Variants in TLN2 observed in about 807,000 individuals in gnomAD.
TLN2 encodes talin-2.
TLN2 carries 118 observed loss-of-function variants against 294.7 expected under a neutral mutation model. That is an observed-to-expected ratio of 0.40 (90% CI 0.34 to 0.47). TLN2 has a LOEUF of 0.47. Among genes scored for constraint, TLN2 ranks in the 20% least tolerant of loss-of-function variants. TLN2 has a pLI of 0.84. For missense variants in TLN2, 3,083 were observed against 3,282.2 expected (o/e 0.94, Z 1.48); for synonymous variants, 1,431 against 1,304.5 (o/e 1.10, Z -2.09).
chr15:62,712,826 A>G (rs1428152371), intron 22 of TLN2, among the ~76,000 whole-genome samples: 11 of 152,194 alleles, frequency 7.2e-5, no homozygotes, highest in African/African-American at 2.7e-4. Context: ...GAATAAGGCT[A>G]TATTTTTCTG....
intron 2 of TLN2, among the ~76,000 whole-genome samples, chr15:62,595,404 CT>C (rs1317953961): frequency 7.3e-6 from 1 of 136,228 alleles, no homozygotes; most frequent in South Asian, 2.5e-4. Flanking sequence ...TGGGTGCAGA[CT>C]CCGTCTCAAA....
chr15:62,736,373 T>G (rs1286165393), intron 28 of TLN2, among the ~76,000 whole-genome samples: 3 of 151,978 alleles, frequency 2.0e-5, no homozygotes, highest in African/African-American at 7.3e-5. Flanking sequence ...GAATGGTGAT[T>G]ACTTCTGGTA....
At chr15:62,767,076 C>T (rs2063052803) in intron 41 of TLN2, among the ~76,000 whole-genome samples, 1 of 152,152 alleles carries the variant, frequency 6.6e-6, no homozygotes, top group Admixed American at 6.5e-5. Context: ...TTTTAACCAC[C>T]TTGGGTTTCC....
intron 3 of TLN2, chr15:62,637,870 G>A (rs975904642): frequency 6.6e-6 from 1 of 152,280 alleles, no homozygotes; most frequent in Admixed American, 6.5e-5. Context: ...AGGACCTGGA[G>A]CAGAGGGTGG....
intron 42 of TLN2, among the ~76,000 whole-genome samples, chr15:62,771,500 C>T (rs969791895): frequency 9.9e-5 from 15 of 152,092 alleles, no homozygotes; most frequent in African/African-American, 3.1e-4. Flanking sequence ...CATTTTGATT[C>T]CTAACACTTA....
At position 62,722,418 on chromosome 15, in the gene TLN2, C is replaced by T; in HGVS notation, c.3057C>T (p.Ala1019=). ...AVPTVSDQAA[A]MQLSQCAKNL... ...CCACCGTGAGTGACCAGGCCGCAGC[C>T]ATGCAGCTGAGCCAGTGTGCCAAGA... The change falls in exon 26 of 59, where the codon GCC becomes GCT. Residue 1019 remains alanine, a synonymous_variant. Coordinates refer to ENST00000636159, the MANE Select transcript of TLN2 (RefSeq NM_015059.3). 6.2e-7 allele frequency: 1 copy of T among 1,613,488 alleles called. No homozygotes were observed. The highest frequency in any genetic ancestry group is 8.5e-7 in the Non-Finnish European group (1 of 1,179,772).
At chr15:62,748,511 C>CT (rs2061738674) in intron 33 of TLN2, 67 bp downstream of exon 33, 2 of 1,257,448 alleles carry the variant, frequency 1.6e-6, no homozygotes, top group Non-Finnish European at 2.3e-6. Flanking sequence ...GTCTGTGTGT[C>CT]TGTCTGTCTA....
chr15:62,643,354 G>A (rs1242710547), intron 3 of TLN2, among the ~76,000 whole-genome samples: 1 of 146,664 alleles, frequency 6.8e-6, no homozygotes, highest in Non-Finnish European at 1.5e-5. Context: ...GGGCCTTTTA[G>A]TCTTACACTC....
intron 1 of TLN2, among the ~76,000 whole-genome samples, chr15:62,558,571 C>T (rs2042735981): frequency 6.6e-6 from 1 of 152,114 alleles, no homozygotes; most frequent in Admixed American, 6.5e-5. Context: ...AAGAGAAAAA[C>T]CAAATTATTG....
chr15:62,712,647 C>A (rs1005681102), intron 22 of TLN2, among the ~76,000 whole-genome samples: 3 of 152,146 alleles, frequency 2.0e-5, no homozygotes, highest in African/African-American at 7.2e-5. Flanking sequence ...TACACAGCCC[C>A]CTGTGGAACA....
chr15:62,584,013 G>A (rs1199280385), intron 1 of TLN2, among the ~76,000 whole-genome samples: 1 of 152,124 alleles, frequency 6.6e-6, no homozygotes, highest in African/African-American at 2.4e-5. Flanking sequence ...CATTGATATT[G>A]TTGGCACCAT....
chr15:62,641,251 C>T (rs1327692780), intron 3 of TLN2, among the ~76,000 whole-genome samples: 1 of 152,130 alleles, frequency 6.6e-6, no homozygotes, highest in South Asian at 2.1e-4. Flanking sequence ...ATTTGTAGCT[C>T]AGATAGTGGC....
In TLN2 at chr15:62,706,163, T is replaced by C. The variant is rs1207817639; in HGVS notation, c.2005-923T>C. 3.3e-5 allele frequency among the ~76,000 whole-genome samples: 5 copies of C among 152,334 alleles called. No individual in the cohort carries two copies. In the South Asian group the frequency reaches 1.0e-3, roughly 32 times the overall value. On this transcript the variant is annotated intron_variant, in intron 19 of 58. Transcript: ENST00000636159. ...TTCCTTGAAGGGAAAAGCCTTGACG[T>C]GTTTGTTCCAAATAAAAATGGCTCA...
chr15:62,707,219 C>T lies in TLN2; in HGVS notation c.2138C>T (p.Ala713Val). Residue 713 changes from alanine to valine, a missense_variant, in exon 20 of 59, where the codon GCC (alanine) becomes GTC (valine). Coordinates refer to ENST00000636159, the MANE Select transcript of TLN2 (RefSeq NM_015059.3). ...GTAATTGCTGCTGCCACCCAGTGTG[C>T]CCTCTCCACCTCCCAGCTTGTGGCA... ...NRVIAAATQC[A>V]LSTSQLVACA... The T allele has an allele frequency of 1.9e-6, 3 of 1,613,302 alleles. No homozygotes were observed. The highest frequency in any genetic ancestry group is 2.5e-6 in the Non-Finnish European group (3 of 1,179,498).
intron 42 of TLN2, among the ~76,000 whole-genome samples, chr15:62,774,229 T>C (rs2063543150): frequency 6.6e-6 from 1 of 152,184 alleles, no homozygotes; most frequent in Admixed American, 6.5e-5. Flanking sequence ...CTGGGCTTTG[T>C]ATTTGAAGTG....
At chr15:62,761,641 C>T (rs780067432) in intron 37 of TLN2, 40 bp from the exon 38 acceptor site, 12 of 1,612,772 alleles carry the variant, frequency 7.4e-6, no homozygotes, top group Admixed American at 3.3e-5. Flanking sequence ...ATAATTTGTG[C>T]TTCTCAATTG....
intron 1 of TLN2, among the ~76,000 whole-genome samples, chr15:62,520,181 A>G (rs2040389022): frequency 2.0e-5 from 3 of 152,234 alleles, no homozygotes; most frequent in South Asian, 4.1e-4. Flanking sequence ...ACAATTCATG[A>G]TGAGATTTGT....
intron 1 of TLN2, among the ~76,000 whole-genome samples, chr15:62,466,426 A>G (rs1302389131): frequency 6.6e-6 from 1 of 152,198 alleles, no homozygotes; most frequent in Non-Finnish European, 1.5e-5. Context: ...TAGGGTGTTC[A>G]GCAGCATCCC....
chr15:62,501,130 C>A (rs1448397203), intron 1 of TLN2, among the ~76,000 whole-genome samples: 1 of 152,206 alleles, frequency 6.6e-6, no homozygotes, highest in Non-Finnish European at 1.5e-5. Context: ...GATAAATGAC[C>A]TTTCTCAGAA....
Sources: gnomAD v4.1 joint callset for allele counts (sites outside exome capture counted in the v4.1 genomes callset) on GRCh38, gnomAD v4.1.1 for gene constraint, MANE v1.5 for transcripts, NCBI Gene and HGNC (gene_info 2026-07-23, HGNC 2026-07-21) for gene names.